The following CFAP47 variants were observed in gnomAD, a reference collection of about 807,000 sequenced individuals.
CFAP47 encodes cilia and flagella associated protein 47.
CFAP47 carries 29 observed loss-of-function variants against 148.1 expected under a neutral mutation model. That is an observed-to-expected ratio of 0.20 (90% confidence interval 0.15 to 0.27). The LOEUF is 0.27. CFAP47 is among the 10% of genes least tolerant of loss of function. The pLI is 1.00. For missense variants in CFAP47, 1,872 were observed against 1,697.5 expected (o/e 1.10, Z -1.81); for synonymous variants, 664 against 577.3 (o/e 1.15, Z -2.15).
intron 29 of CFAP47, among the ~76,000 whole-genome samples, chrX:36,073,902 T>G (rs1230725275): frequency 9.0e-6 from 1 of 111,418 alleles, no homozygotes. Context: ...TTTAGGCCTG[T>G]TACTGGTTAT....
intron 39 of CFAP47, among the ~76,000 whole-genome samples, chrX:36,172,767 G>C (rs769328074): frequency 9.0e-6 from 1 of 111,051 alleles, no homozygotes; most frequent in Admixed American, 9.6e-5. Flanking sequence ...TCTCTTTTTT[G>C]GTTGTGTCTC....
At chrX:36,189,397 T>C (rs1939842422) in intron 41 of CFAP47, among the ~76,000 whole-genome samples, 1 of 110,982 alleles carries the variant, frequency 9.0e-6, no homozygotes, top group Non-Finnish European at 1.9e-5. Context: ...TGGCCCAGGC[T>C]TCTTTATGGG....
chrX:35,972,322 C>T (rs777111704), intron 13 of CFAP47, among the ~76,000 whole-genome samples: 4 of 110,317 alleles, frequency 3.6e-5, no homozygotes, highest in Non-Finnish European at 5.7e-5. Flanking sequence ...TTCCACCTCC[C>T]GGGTTCAAGC....
At chrX:36,265,049 G>A (rs1940874420) in intron 49 of CFAP47, among the ~76,000 whole-genome samples, 2 of 111,913 alleles carry the variant, frequency 1.8e-5, no homozygotes, top group Admixed American at 1.9e-4. Flanking sequence ...AGCATGGAGT[G>A]TTTTTTCATT....
intron 2 of CFAP47, among the ~76,000 whole-genome samples, chrX:35,934,629 A>C (rs1238340374): frequency 3.6e-5 from 4 of 110,988 alleles, no homozygotes; most frequent in Non-Finnish European, 7.5e-5. Context: ...AGGTGGAAGG[A>C]GTCTTGCCCT....
chrX:36,335,693 G>T (rs1941599372), intron 57 of CFAP47, among the ~76,000 whole-genome samples: 1 of 111,783 alleles, frequency 8.9e-6, no homozygotes, highest in Admixed American at 9.5e-5. Context: ...AGTGGTTGTA[G>T]TAATTCAGGA....
Position 36,258,848 on chromosome X carries a change from T to C in CFAP47, c.7444+7404T>C, listed in dbSNP as rs1296606599. ...CTGTTGCTGTGTCATCAATGGGTGA[T>C]AGCACTGTGAAGCCCCTAACATAGA... On this transcript the variant is annotated intron_variant, in intron 49 of 63. Coordinates refer to ENST00000378653, the MANE Select transcript of CFAP47 (RefSeq NM_001304548.2). Among the ~76,000 whole-genome samples, 10 of 111,752 alleles carry C rather than the reference T, an allele frequency of 8.9e-5. No individual in the cohort carries two copies. In the Admixed American group the frequency reaches 9.5e-4, roughly 11 times the overall value.
intron 57 of CFAP47, among the ~76,000 whole-genome samples, chrX:36,327,519 GAATGT>G (rs1941527835): frequency 8.9e-6 from 1 of 111,873 alleles, no homozygotes; most frequent in Admixed American, 9.5e-5. Flanking sequence ...CTGTTGGTGT[GAATGT>G]AAATTAGTTC....
chrX:36,059,700 C>T (rs1034386105), intron 26 of CFAP47, among the ~76,000 whole-genome samples: 2 of 111,832 alleles, frequency 1.8e-5, no homozygotes, highest in Admixed American at 9.5e-5. Context: ...AAGGTTTATA[C>T]ATTAATAATG....
rs150104530 is a variant in CFAP47 at position 35,919,897 on chromosome X, G to C, written c.98G>C (p.Ser33Thr). The change falls in exon 1 of 64, where the codon AGC (serine) becomes ACC (threonine). Residue 33 changes from serine to threonine, a missense_variant. Coordinates refer to ENST00000378653, the MANE Select transcript of CFAP47 (RefSeq NM_001304548.2). ...RGSLVPRDMD[S>T]SGRDMQLRVI... is the part of the protein sequence containing the mutation. ...TCCCTCGTCCCCCGGGATATGGATAGCTCGGGTAGAGACATGCAGCTGCGG... is the reference window on the plus strand; with the variant it reads ...TCCCTCGTCCCCCGGGATATGGATACCTCGGGTAGAGACATGCAGCTGCGG... The C allele has an allele frequency of 6.6e-6, 8 of 1,209,001 alleles. No individual in the cohort carries two copies. The highest frequency in any genetic ancestry group is 7.8e-6 in the Non-Finnish European group (7 of 894,888).
At chrX:36,323,749 A>G (rs1205461661) in intron 57 of CFAP47, among the ~76,000 whole-genome samples, 1 of 105,759 alleles carries the variant, frequency 9.5e-6, no homozygotes, top group Non-Finnish European at 1.9e-5. Flanking sequence ...TCTTTCAGAA[A>G]TTTTATAATT....
intron 8 of CFAP47, among the ~76,000 whole-genome samples, chrX:35,957,337 G>A (rs1350860206): frequency 2.7e-5 from 3 of 110,931 alleles, no homozygotes; most frequent in Non-Finnish European, 5.7e-5. Context: ...TAGCAAACAT[G>A]AGTGCTTTCA....
intron 39 of CFAP47, among the ~76,000 whole-genome samples, chrX:36,167,091 C>G (rs1486439337): frequency 8.9e-6 from 1 of 111,793 alleles, no homozygotes; most frequent in Non-Finnish European, 1.9e-5. Context: ...TTCTAGCAGT[C>G]TCCTTCACCA....
rs1939217563 is a variant in CFAP47, at chrX:36,145,311, G to A, written c.5628G>A (p.Val1876=). The A allele has an allele frequency of 2.0e-5, 6 of 296,371 alleles. No individual in the cohort carries two copies. The Admixed American group carries it at 3.7e-4, about 18-fold the overall frequency. The allele number at this position is 296,371 out of a possible 1,213,427, so 24.4% of individuals were successfully genotyped here. ...ERLPTYLPKK[V]VSFECTLHDT... ...TCCCTACATATCTCCCTAAGAAGGT[G>A]GTGTCCTTTGAATGTACTCTACATG... is the stretch of plus-strand genomic sequence containing the variant. Residue 1876 remains valine (V), a synonymous_variant, in exon 36 of 64, where the codon GTG becomes GTA. Transcript: ENST00000378653.
At chrX:35,937,561 A>G (rs769645618) in intron 2 of CFAP47, among the ~76,000 whole-genome samples, 23 of 110,675 alleles carry the variant, frequency 2.1e-4, no homozygotes, top group Non-Finnish European at 3.2e-4. Context: ...AACAGGAAAA[A>G]ATAGGCTTAT....
At position 36,366,932 on chromosome X, in the gene CFAP47, G is replaced by A. The variant is rs782818328; in HGVS notation, c.9024-34G>A. ...ATTTATTCTCTTTACTTGTTTTCAC[G>A]TAGTGTCATTTAAAATCTCCTTTTA... On this transcript the variant is annotated intron_variant, in intron 61 of 63. Coordinates refer to ENST00000378653, the MANE Select transcript of CFAP47 (RefSeq NM_001304548.2). 58 of 988,692 alleles carry A rather than the reference G, an allele frequency of 5.9e-5. No individual in the cohort carries two copies. In the African/African-American group the frequency reaches 7.0e-4, roughly 12 times the overall value. The allele number at this position is 988,692 out of a possible 1,213,427, so 81.5% of individuals were successfully genotyped here.
At chrX:36,056,521 C>G (rs1051266333) in intron 26 of CFAP47, among the ~76,000 whole-genome samples, 3 of 112,209 alleles carry the variant, frequency 2.7e-5, no homozygotes, top group African/African-American at 9.7e-5. Context: ...TGTCCTAAAA[C>G]ACACCAAAAG....
At position 36,085,366 on chromosome X, in the gene CFAP47, T is replaced by C. The variant is rs1938063106; in HGVS notation, c.4744T>C (p.Ser1582Pro). 1.7e-6 allele frequency: 2 copies of C among 1,208,917 alleles called. No individual in the cohort carries two copies. The highest frequency in any genetic ancestry group is 1.7e-5 in the African/African-American group (1 of 57,547). ...ATCAACCTCGCCACCCCAAAAGTTT[T>C]CCAGACAGAATGACTTTTCCAAATA... is the stretch of plus-strand genomic sequence containing the variant. ...YSSTSPPQKF[S>P]RQNDFSKYNK... Residue 1582 changes from serine (S) to proline (P), a missense_variant, in exon 30 of 64, where the codon TCC becomes CCC. Transcript: ENST00000378653.
At position 36,280,602 on chromosome X, in the gene CFAP47, A is replaced by G. The variant is rs1220206928; in HGVS notation, c.7560A>G (p.Gln2520=). Residue 2520 remains glutamine (Q), a synonymous_variant, in exon 50 of 64, where the codon CAA becomes CAG. Coordinates refer to ENST00000378653, the MANE Select transcript of CFAP47 (RefSeq NM_001304548.2). ...ALSCLDSITE[Q]SSILDDADTY... ...CCTGTCTTGATTCAATAACAGAACA[A>G]TCTAGCATTTTGGATGATGCAGACA... is the stretch of plus-strand genomic sequence containing the variant. 6.0e-6 allele frequency: 3 copies of G among 503,248 alleles called. No individual in the cohort carries two copies. Among genetic ancestry groups the G allele is most frequent in the Non-Finnish European group, 1.1e-5 (3 of 281,773 alleles). The allele number at this position is 503,248 out of a possible 1,213,427, so 41.5% of individuals were successfully genotyped here. A position where few individuals can be genotyped will look rare whatever the true frequency, so the allele number is the denominator to read the frequency against.
Sources: gnomAD v4.1 joint callset for allele counts (sites outside exome capture counted in the v4.1 genomes callset) on GRCh38, gnomAD v4.1.1 for gene constraint, MANE v1.5 for transcripts, NCBI Gene and HGNC (gene_info 2026-07-23, HGNC 2026-07-21) for gene names.